Variants in CLN8 observed in about 807,000 individuals in gnomAD.
The protein encoded by CLN8 is protein CLN8.
In CLN8, 14 loss-of-function variants were observed where a neutral mutation model predicts 15.7. The observed-to-expected ratio is 0.89, with a 90% CI of 0.59 to 1.39. The LOEUF (loss-of-function observed/expected upper bound fraction) is 1.39, where lower values mean the gene tolerates loss of function less well. CLN8 is among the 40% of genes most tolerant of loss of function. CLN8 has a pLI of 0.00. For synonymous variants in CLN8, 188 were observed against 151.0 expected, an observed-to-expected ratio of 1.25 and a Z score of -1.80; for missense variants, 415 against 364.0, an observed-to-expected ratio of 1.14 and a Z score of -1.14.
rs2130989828 is a variant in CLN8, at chr8:1,771,053, CA to C, written c.1del. On this transcript the variant is annotated 5_prime_UTR_variant, in exon 2 of 3. Transcript: ENST00000331222. ...GACTCCTTTGGAATATAGCTGTGGA[CA>C]ATGAATCCTGCGAGCGATGGGGGCA... is the stretch of plus-strand genomic sequence containing the variant. 6.2e-7 allele frequency: 1 copy of C among 1,613,948 alleles called. No individual in the cohort carries two copies. Among genetic ancestry groups the C allele is most frequent in the South Asian group, 1.1e-5 (1 of 91,072 alleles).
At chr8:1,768,433 G>A (rs1268086585) in intron 1 of CLN8, among the ~76,000 whole-genome samples, 2 of 152,186 alleles carry the variant, frequency 1.3e-5, no homozygotes, top group African/African-American at 4.8e-5. Flanking sequence ...TCTGGGCAGA[G>A]CCTTCTGGAG....
intron 1 of CLN8, among the ~76,000 whole-genome samples, chr8:1,756,914 C>A (rs1800684642): frequency 6.6e-6 from 1 of 152,078 alleles, no homozygotes; most frequent in Non-Finnish European, 1.5e-5. Context: ...ATCTCCTGAC[C>A]TCAAGTGACC....
intron 2 of CLN8, among the ~76,000 whole-genome samples, chr8:1,775,452 G>C (rs1263438863): frequency 6.6e-6 from 1 of 152,138 alleles, no homozygotes; most frequent in Non-Finnish European, 1.5e-5. Context: ...TGTAGATTTT[G>C]CTACTCTTCT....
At chr8:1,761,730 T>C (rs1800802011), upstream of CLN8, among the ~76,000 whole-genome samples, 1 of 152,246 alleles carries the variant, frequency 6.6e-6, no homozygotes, top group African/African-American at 2.4e-5. Flanking sequence ...AAAGCTGTCC[T>C]CTTGGCCTGA....
upstream of CLN8, chr8:1,763,217 G>C (rs928759629): frequency 6.6e-6 from 1 of 151,908 alleles, no homozygotes; most frequent in Admixed American, 6.6e-5. Context: ...GAACGGCGCG[G>C]TCAGGCTCTG....
chr8:1,753,755 G>A (rs1800605590), upstream of CLN8, among the ~76,000 whole-genome samples: 1 of 142,170 alleles, frequency 7.0e-6, no homozygotes, highest in Admixed American at 7.0e-5. Flanking sequence ...CTGTGGTTGT[G>A]GGTGCCTGTA....
chr8:1,780,029 G>T, intron 2 of CLN8: 1 of 985,476 alleles, frequency 1.0e-6, no homozygotes, highest in Non-Finnish European at 1.2e-6. Flanking sequence ...CAGCATGAGC[G>T]GGCAAGGGTC....
At chr8:1,755,518 C>G (rs1265475760), upstream of CLN8, among the ~76,000 whole-genome samples, 1 of 152,206 alleles carries the variant, frequency 6.6e-6, no homozygotes, top group Non-Finnish European at 1.5e-5. Context: ...CCTTCAGAGA[C>G]AGCTGGCTTG....
upstream of CLN8, chr8:1,760,181 C>T (rs1800759158): frequency 6.6e-6 from 1 of 152,154 alleles, no homozygotes; most frequent in South Asian, 2.1e-4. Flanking sequence ...GCTCACTGAA[C>T]ACTGTTTTTT....
chr8:1,754,302 A>G (rs13274339), upstream of CLN8, among the ~76,000 whole-genome samples: 12,615 of 152,182 alleles, frequency 0.083, 554 homozygotes, highest in South Asian at 0.16. Context: ...TTCTTTACCA[A>G]CAACTGTCTT....
At chr8:1,779,030 A>G (rs893766603) in intron 2 of CLN8, among the ~76,000 whole-genome samples, 9 of 152,226 alleles carry the variant, frequency 5.9e-5, no homozygotes, top group Admixed American at 5.9e-4. Flanking sequence ...AGAATGCTGA[A>G]CAGCTCATGT....
In CLN8 at chr8:1,784,284, CAAAA is replaced by C; in HGVS notation, c.*3727_*3730del. The C allele has an allele frequency of 7.6e-6, 1 of 131,184 alleles. No homozygotes were observed. 8.1% of individuals were successfully genotyped at this position (131,184 alleles called of 1,614,324 possible). ...TGGGTGACACAGTGAGACTCCATCT[CAAAA>C]AAAAAAAAAGAACGGACATCATTTC... On this transcript the variant is annotated 3_prime_UTR_variant, in exon 3 of 3. Transcript: ENST00000331222.
rs139509081 is a variant in CLN8 at position 1,756,258 on chromosome 8, C to T, written c.-124+176C>T. Among the ~76,000 whole-genome samples the T allele has an allele frequency of 1.8e-3, 275 of 152,058 alleles. 1 individual carries two copies. Among genetic ancestry groups the T allele is most frequent in the African/African-American group, 6.2e-3 (259 of 41,486 alleles). On this transcript the variant is annotated intron_variant, in intron 1 of 1. Coordinates refer to the CLN8 transcript ENST00000524258. ...TAGCACTTTGAGAGGCTGAGGCAGGCGGATCATGAGGTCAGGAGTTCAAGA... is the reference window on the plus strand; with the variant it reads ...TAGCACTTTGAGAGGCTGAGGCAGGTGGATCATGAGGTCAGGAGTTCAAGA...
In CLN8 at chr8:1,780,648, T is replaced by G; in HGVS notation, c.*81T>G. 7.7e-7 allele frequency: 1 copy of G among 1,301,530 alleles called. No individual in the cohort carries two copies. Among genetic ancestry groups the G allele is most frequent in the Non-Finnish European group, 1.1e-6 (1 of 913,566 alleles). The allele number at this position is 1,301,530 out of a possible 1,614,324, so 80.6% of individuals were successfully genotyped here. On this transcript the variant is annotated 3_prime_UTR_variant, in exon 3 of 3. Coordinates refer to ENST00000331222, the MANE Select transcript of CLN8 (RefSeq NM_018941.4). ...GCCCCGCGAATGATGGCTTTTGAATTAATGAGGCAGTGAATGTTTTGTGTT... is the reference window on the plus strand; with the variant it reads ...GCCCCGCGAATGATGGCTTTTGAATGAATGAGGCAGTGAATGTTTTGTGTT...
At chr8:1,756,006 C>G (rs1800661580) in exon 1 of CLN8, 1 of 152,170 alleles carries the variant, frequency 6.6e-6, no homozygotes, top group Non-Finnish European at 1.5e-5. Flanking sequence ...CAGCTGATCC[C>G]AAGTTTCACA....
chr8:1,772,300 T>C (rs1801344389), intron 2 of CLN8, among the ~76,000 whole-genome samples: 1 of 152,192 alleles, frequency 6.6e-6, no homozygotes, highest in Non-Finnish European at 1.5e-5. Flanking sequence ...GCTTGCTTTT[T>C]ATTTTTGAAT....
chr8:1,760,134 T>C (rs1346290658), upstream of CLN8: 1 of 152,216 alleles, frequency 6.6e-6, no homozygotes, highest in Non-Finnish European at 1.5e-5. Flanking sequence ...CTTTGTCATT[T>C]AGCAGTGTGT....
chr8:1,784,293 A>T lies in CLN8; in HGVS notation c.*3726A>T, dbSNP rs543897007. Reference sequence around the variant, plus strand: ...CAGTGAGACTCCATCTCAAAAAAAAAAAAAGAACGGACATCATTTCTCACA... The same window carrying T: ...CAGTGAGACTCCATCTCAAAAAAAATAAAAGAACGGACATCATTTCTCACA... On this transcript the variant is annotated 3_prime_UTR_variant, in exon 3 of 3. Coordinates refer to ENST00000331222, the MANE Select transcript of CLN8 (RefSeq NM_018941.4). 6.5e-6 allele frequency: 1 copy of T among 153,144 alleles called. No individual in the cohort carries two copies. The highest frequency in any genetic ancestry group is 1.9e-4 in the East Asian group (1 of 5,208). 9.5% of individuals were successfully genotyped at this position (153,144 alleles called of 1,614,324 possible).
intron 1 of CLN8, chr8:1,765,032 C>T (rs539022291): frequency 8.5e-5 from 13 of 152,310 alleles, no homozygotes; most frequent in Admixed American, 7.2e-4. Context: ...CCACAGCTCC[C>T]CACTGAGCTT....
Sources: allele counts gnomAD v4.1 joint callset (sites outside exome capture counted in the v4.1 genomes callset), GRCh38; gene constraint gnomAD v4.1.1; transcripts MANE v1.5; gene names NCBI Gene and HGNC (gene_info 2026-07-23, HGNC 2026-07-21).